The following CSMD1 variants were observed in gnomAD, a reference collection of about 807,000 sequenced individuals.
The protein encoded by CSMD1 is CUB and Sushi multiple domains 1.
In CSMD1, 213 loss-of-function variants were observed where a neutral mutation model predicts 417.5. The observed-to-expected ratio is 0.51, with a 90% CI of 0.46 to 0.57. CSMD1 has a LOEUF of 0.57. CSMD1 is among the 20% of genes least tolerant of loss of function. CSMD1 has a pLI of 0.00. For synonymous variants in CSMD1, 2,862 were observed against 1,736.8 expected, an observed-to-expected ratio of 1.65 and a Z score of -16.11; for missense variants, 6,923 against 4,529.7, an observed-to-expected ratio of 1.53 and a Z score of -15.17.
At chr8:3,179,082 G>C (rs1821127413) in intron 37 of CSMD1, among the ~76,000 whole-genome samples, 1 of 150,888 alleles carries the variant, frequency 6.6e-6, no homozygotes, top group African/African-American at 2.4e-5. Context: ...TGAGCAGCTG[G>C]GACTACAGGC....
intron 3 of CSMD1, among the ~76,000 whole-genome samples, chr8:4,200,075 T>C (rs1799561405): frequency 6.6e-6 from 1 of 152,198 alleles, no homozygotes; most frequent in Non-Finnish European, 1.5e-5. Flanking sequence ...CAAATCATCC[T>C]CTTTATATTT....
Position 3,485,612 on chromosome 8 carries a change from G to A in CSMD1, c.1448+8011C>T, listed in dbSNP as rs948287808. On this transcript the variant is annotated intron_variant, in intron 11 of 69. Coordinates refer to ENST00000635120, the MANE Select transcript of CSMD1 (RefSeq NM_033225.6). ...ATACAAATAAAACAGGAAATTAAAT[G>A]AGCTGGGTGTGGTGGCGCATGCTGG... 3.3e-5 allele frequency among the ~76,000 whole-genome samples: 5 copies of A among 151,038 alleles called. No homozygotes were observed. In the East Asian group the frequency reaches 7.8e-4, roughly 24 times the overall value.
chr8:4,927,062 A>T (rs1258022873), intron 1 of CSMD1, among the ~76,000 whole-genome samples: 1 of 150,388 alleles, frequency 6.6e-6, no homozygotes, highest in African/African-American at 2.4e-5. Context: ...TGAAAAAAAT[A>T]GGGCTGTGTT....
chr8:3,131,050 T>G (rs545388070), intron 41 of CSMD1, among the ~76,000 whole-genome samples: 20 of 152,362 alleles, frequency 1.3e-4, no homozygotes, highest in African/African-American at 4.8e-4. Flanking sequence ...TGAACTACTT[T>G]GGCATTCTGG....
intron 46 of CSMD1, among the ~76,000 whole-genome samples, chr8:3,101,796 T>C (rs552311269): frequency 6.4e-5 from 8 of 125,818 alleles, no homozygotes; most frequent in Admixed American, 2.1e-4. Context: ...TTTCTTTCTT[T>C]TTCTTTTTTT....
intron 5 of CSMD1, among the ~76,000 whole-genome samples, chr8:3,854,007 C>G (rs974437941): frequency 7.0e-6 from 1 of 143,282 alleles, no homozygotes; most frequent in Non-Finnish European, 1.5e-5. Context: ...TGATACATAA[C>G]ATATAAAATA....
At chr8:4,617,615 G>T (rs1801544406) in intron 2 of CSMD1, among the ~76,000 whole-genome samples, 1 of 152,132 alleles carries the variant, frequency 6.6e-6, no homozygotes, top group Non-Finnish European at 1.5e-5. Context: ...TATAAAGTAA[G>T]CTCACTGGAA....
At chr8:3,996,049 A>T (rs537290947) in intron 5 of CSMD1, among the ~76,000 whole-genome samples, 1 of 152,176 alleles carries the variant, frequency 6.6e-6, no homozygotes, top group Non-Finnish European at 1.5e-5. Flanking sequence ...AAGTGCTACA[A>T]TGGTCCCATC....
At chr8:3,319,160 A>C (rs975128731) in intron 23 of CSMD1, among the ~76,000 whole-genome samples, 3 of 152,232 alleles carry the variant, frequency 2.0e-5, no homozygotes, top group Non-Finnish European at 4.4e-5. Flanking sequence ...GCTTTTAAAA[A>C]AAATCTAGGA....
intron 19 of CSMD1, among the ~76,000 whole-genome samples, chr8:3,367,719 G>C (rs1809689521): frequency 6.6e-6 from 1 of 152,110 alleles, no homozygotes; most frequent in African/African-American, 2.4e-5. Context: ...ATATGATGTG[G>C]ACATCAATAT....
intron 5 of CSMD1, among the ~76,000 whole-genome samples, chr8:3,919,631 C>T (rs527793591): frequency 6.6e-6 from 1 of 152,150 alleles, no homozygotes; most frequent in South Asian, 2.1e-4. Context: ...TTTTGTGATT[C>T]CATACAAATT....
chr8:3,314,465 C>G (rs529487241), intron 23 of CSMD1, among the ~76,000 whole-genome samples: 5 of 152,266 alleles, frequency 3.3e-5, no homozygotes, highest in African/African-American at 9.6e-5. Flanking sequence ...GGCACAAATA[C>G]TGGTTCTGTA....
rs576287828 is a variant in CSMD1 at position 4,677,465 on chromosome 8, T to A, written c.86-39907A>T. The stretch of plus-strand genomic sequence containing the variant: ...AACCTTGTTTCAACACACTACAATT[T>A]ATATAGTTATTCTCTAATCATTTTT... On this transcript the variant is annotated intron_variant, in intron 1 of 69. Transcript: ENST00000635120. 1.7e-4 allele frequency among the ~76,000 whole-genome samples: 26 copies of A among 152,250 alleles called. No homozygotes were observed. The South Asian group carries it at 5.2e-3, about 30-fold the overall frequency.
intron 1 of CSMD1, among the ~76,000 whole-genome samples, chr8:4,679,101 C>T (rs1056287807): frequency 6.6e-6 from 1 of 152,122 alleles, no homozygotes; most frequent in Non-Finnish European, 1.5e-5. Context: ...ATCTGGTCAT[C>T]TGCGCAAGTT....
chr8:4,073,202 C>A (rs1346304952), intron 3 of CSMD1, among the ~76,000 whole-genome samples: 2 of 151,918 alleles, frequency 1.3e-5, no homozygotes, highest in Admixed American at 1.3e-4. Context: ...ACGCTCACAA[C>A]AATAACTTGT....
intron 5 of CSMD1, among the ~76,000 whole-genome samples, chr8:3,803,245 TG>T (rs1800555150): frequency 1.3e-5 from 2 of 152,172 alleles, no homozygotes; most frequent in Admixed American, 1.3e-4. Flanking sequence ...TCTGACTGCT[TG>T]GCATAAAGTC....
At chr8:3,882,137 A>C (rs1806245651) in intron 5 of CSMD1, among the ~76,000 whole-genome samples, 1 of 152,196 alleles carries the variant, frequency 6.6e-6, no homozygotes, top group African/African-American at 2.4e-5. Flanking sequence ...AAATCATCAC[A>C]ATTGGCTCCT....
At chr8:4,155,849 A>G (rs1482565220) in intron 3 of CSMD1, among the ~76,000 whole-genome samples, 6 of 152,124 alleles carry the variant, frequency 3.9e-5, no homozygotes, top group Non-Finnish European at 8.8e-5. Context: ...AATAAGGCAA[A>G]ATGAAACAAC....
chr8:4,229,342 C>G (rs1563307026), intron 3 of CSMD1, among the ~76,000 whole-genome samples: 1 of 152,166 alleles, frequency 6.6e-6, no homozygotes, highest in Non-Finnish European at 1.5e-5. Flanking sequence ...GTGCTTCTTT[C>G]TTATCCACTT....
Sources: gnomAD v4.1 joint callset for allele counts (sites outside exome capture counted in the v4.1 genomes callset) on GRCh38, gnomAD v4.1.1 for gene constraint, MANE v1.5 for transcripts, NCBI Gene and HGNC (gene_info 2026-07-23, HGNC 2026-07-21) for gene names.